Variants in SP4 observed in about 807,000 individuals in gnomAD.
SP4 encodes the protein transcription factor Sp4.
SP4 carries 19 observed loss-of-function variants against 72.8 expected under a neutral mutation model. That is an observed-to-expected ratio of 0.26 (90% confidence interval 0.18 to 0.38). The LOEUF is 0.38. Ranked by LOEUF, SP4 falls within the 10% of genes least tolerant of loss-of-function variation. The probability of loss-of-function intolerance (pLI) is 1.00; values close to 1 mark genes in which losing one functional copy is unlikely to be tolerated. For missense variants in SP4, 1,008 were observed against 926.3 expected, an observed-to-expected ratio of 1.09 and a Z score of -1.14; for synonymous variants, 395 against 333.1, an observed-to-expected ratio of 1.19 and a Z score of -2.02.
In SP4 at chr7:21,513,571, A is replaced by G. The variant is rs1389186235; in HGVS notation, c.*2302A>G. 2.0e-5 allele frequency: 3 copies of G among 152,620 alleles called. No homozygotes were observed. Among genetic ancestry groups the G allele is most frequent in the Non-Finnish European group, 4.4e-5 (3 of 68,014 alleles). 9.5% of individuals were successfully genotyped at this position (152,620 alleles called of 1,614,324 possible). A position where few individuals can be genotyped will look rare whatever the true frequency, so the allele number is the denominator to read the frequency against. On this transcript the variant is annotated 3_prime_UTR_variant, in exon 6 of 6. Transcript: ENST00000222584. Reference sequence around the variant, plus strand: ...ATTTTATCTATCATTATGCTACACAATCAGTGCTATAAATTTTTTTATGCA... The same window carrying G: ...ATTTTATCTATCATTATGCTACACAGTCAGTGCTATAAATTTTTTTATGCA...
intron 3 of SP4, among the ~76,000 whole-genome samples, chr7:21,473,682 GAAT>G (rs1319763536): frequency 6.6e-6 from 1 of 152,192 alleles, no homozygotes; most frequent in Non-Finnish European, 1.5e-5. Context: ...ACTCAGACCA[GAAT>G]ATTACAAAGG....
chr7:21,460,960 C>G (rs1243894594), intron 3 of SP4, among the ~76,000 whole-genome samples: 1 of 151,726 alleles, frequency 6.6e-6, no homozygotes, highest in African/African-American at 2.4e-5. Context: ...CCAAGATTAG[C>G]TAGACACAGC....
At chr7:21,468,884 C>G (rs1364124642) in intron 3 of SP4, among the ~76,000 whole-genome samples, 8 of 152,108 alleles carry the variant, frequency 5.3e-5, no homozygotes, top group Non-Finnish European at 1.2e-4. Flanking sequence ...CTGAATTTCT[C>G]ATGCTCCATG....
intron 3 of SP4, among the ~76,000 whole-genome samples, chr7:21,469,851 C>A (rs1209465704): frequency 6.6e-6 from 1 of 151,450 alleles, no homozygotes; most frequent in East Asian, 1.9e-4. Flanking sequence ...CATGCTGGGC[C>A]TATAATTTTT....
chr7:21,446,995 G>A (rs914493143), intron 3 of SP4, among the ~76,000 whole-genome samples: 12 of 152,070 alleles, frequency 7.9e-5, no homozygotes, highest in Non-Finnish European at 1.3e-4. Context: ...ATTCACTAGC[G>A]CCCTTGTGAC....
At chr7:21,440,459 A>G (rs1259894430) in intron 3 of SP4, among the ~76,000 whole-genome samples, 1 of 152,194 alleles carries the variant, frequency 6.6e-6, no homozygotes, top group Non-Finnish European at 1.5e-5. Flanking sequence ...TCAGAGGTAA[A>G]CGAGAAATTT....
intron 5 of SP4, among the ~76,000 whole-genome samples, chr7:21,496,070 T>G (rs1218385349): frequency 6.6e-6 from 1 of 152,120 alleles, no homozygotes; most frequent in African/African-American, 2.4e-5. Flanking sequence ...GAGAACAGAT[T>G]TGTGTTTTCT....
chr7:21,510,702 G>C (rs1782119352), intron 5 of SP4, among the ~76,000 whole-genome samples: 1 of 152,152 alleles, frequency 6.6e-6, no homozygotes, highest in Non-Finnish European at 1.5e-5. Context: ...ATCTGATAGA[G>C]ATATTTTAAA....
At chr7:21,489,028 C>G (rs555934891) in intron 5 of SP4, among the ~76,000 whole-genome samples, 8 of 152,206 alleles carry the variant, frequency 5.3e-5, no homozygotes, top group Admixed American at 4.6e-4. Context: ...ATCTCAAATT[C>G]TTTTTCACCA....
chr7:21,454,459 A>G (rs1197840498), intron 3 of SP4, among the ~76,000 whole-genome samples: 2 of 151,922 alleles, frequency 1.3e-5, no homozygotes, highest in African/African-American at 2.4e-5. Flanking sequence ...CTTTAGGACA[A>G]TAGTTTACCA....
At chr7:21,471,129 G>T (rs1249133935) in intron 3 of SP4, 4 of 534,726 alleles carry the variant, frequency 7.5e-6, no homozygotes, top group East Asian at 5.4e-5. Context: ...GTGAGAGTGG[G>T]CATGGAGCAG....
intron 5 of SP4, among the ~76,000 whole-genome samples, chr7:21,486,178 G>GTTT (rs139452222): frequency 1.1e-4 from 16 of 143,866 alleles, no homozygotes; most frequent in East Asian, 6.0e-4. Flanking sequence ...ATTTTTTCTT[G>GTTT]TTTTTTTTTT....
At chr7:21,494,268 C>G (rs1785052227) in intron 5 of SP4, among the ~76,000 whole-genome samples, 1 of 152,164 alleles carries the variant, frequency 6.6e-6, no homozygotes, top group South Asian at 2.1e-4. Context: ...CACCATAGTA[C>G]TGGAATTTCT....
At chr7:21,441,976 A>G (rs1446436152) in intron 3 of SP4, among the ~76,000 whole-genome samples, 1 of 119,840 alleles carries the variant, frequency 8.3e-6, no homozygotes, top group African/African-American at 3.2e-5. Flanking sequence ...TTTACATTTT[A>G]TTTTTATTTC....
chr7:21,491,040 C>T (rs1025152773), intron 5 of SP4, among the ~76,000 whole-genome samples: 2 of 152,058 alleles, frequency 1.3e-5, no homozygotes, highest in Non-Finnish European at 2.9e-5. Context: ...CTATGAGCCA[C>T]GTAAAGCTGA....
At chr7:21,449,311 A>G (rs2107449) in intron 3 of SP4, among the ~76,000 whole-genome samples, 42,912 of 152,138 alleles carry the variant, frequency 0.28, 7,194 homozygotes, top group Non-Finnish European at 0.38. Flanking sequence ...TCCACATCCT[A>G]TGGCAGGTTG....
At chr7:21,440,413 G>C (rs1401619289) in intron 3 of SP4, among the ~76,000 whole-genome samples, 1 of 152,188 alleles carries the variant, frequency 6.6e-6, no homozygotes, top group Non-Finnish European at 1.5e-5. Flanking sequence ...GGGGGAATGA[G>C]ATATTTTAGG....
chr7:21,433,971 C>T (rs1372641330), intron 3 of SP4, among the ~76,000 whole-genome samples: 1 of 151,894 alleles, frequency 6.6e-6, no homozygotes, highest in African/African-American at 2.4e-5. Context: ...AAAAAAGACA[C>T]AAAGAGTGAG....
In SP4 at chr7:21,511,249, A is replaced by G. The variant is rs1300121498; in HGVS notation, c.2335A>G (p.Thr779Ala). The G allele has an allele frequency of 1.9e-6, 3 of 1,613,988 alleles. No individual in the cohort carries two copies. Among genetic ancestry groups the G allele is most frequent in the Non-Finnish European group, 2.5e-6 (3 of 1,179,986 alleles). Residue 779 changes from threonine (T) to alanine (A), a missense_variant, in exon 6 of 6, where the codon ACC (threonine) becomes GCC (alanine). By Grantham distance (58) the Thr-to-Ala change is moderately conservative (BLOSUM62 0). Coordinates refer to ENST00000222584, the MANE Select transcript of SP4 (RefSeq NM_003112.5). Reference protein sequence around the residue: ...DSNPATPNVSTNMEEF With the variant: ...DSNPATPNVSANMEEF ...GAATCCAGCAACTCCCAATGTTTCA[A>G]CCAACATGGAAGAATTCTGAAAAGT...
Sources: gnomAD v4.1 joint callset for allele counts (sites outside exome capture counted in the v4.1 genomes callset) on GRCh38, gnomAD v4.1.1 for gene constraint, MANE v1.5 for transcripts, NCBI Gene and HGNC (gene_info 2026-07-23, HGNC 2026-07-21) for gene names.